The following RAPGEF4 variants were observed in gnomAD, a reference collection of about 807,000 sequenced individuals.
RAPGEF4 encodes the protein Rap guanine nucleotide exchange factor 4, also known as RAP guanine-nucleotide-exchange factor (GEF) 4.
In RAPGEF4, 66 loss-of-function variants were observed where a neutral mutation model predicts 147.9. The ratio of observed to expected loss-of-function variants is 0.45; its 90% CI spans 0.37 to 0.55. The LOEUF (loss-of-function observed/expected upper bound fraction) is 0.55, where lower values mean the gene tolerates loss of function less well. Among genes scored for constraint, RAPGEF4 ranks in the 20% least tolerant of loss-of-function variants. The pLI, the probability that RAPGEF4 is intolerant of heterozygous loss-of-function variation, is 0.00. For missense variants in RAPGEF4, 1,071 were observed against 1,257.3 expected (o/e 0.85, Z 2.24); for synonymous variants, 419 against 442.7 (o/e 0.95, Z 0.67).
At chr2:172,999,202 A>G (rs1162203657) in intron 16 of RAPGEF4, among the ~76,000 whole-genome samples, 1 of 152,238 alleles carries the variant, frequency 6.6e-6, no homozygotes, top group Non-Finnish European at 1.5e-5. Flanking sequence ...CTAGGCTAAC[A>G]TCATAATTTA....
At chr2:172,765,633 A>G (rs1472502215) in intron 1 of RAPGEF4, among the ~76,000 whole-genome samples, 1 of 152,122 alleles carries the variant, frequency 6.6e-6, no homozygotes, top group Non-Finnish European at 1.5e-5. Flanking sequence ...CTGAAGTTTT[A>G]TGTGTATGTA....
intron 4 of RAPGEF4, among the ~76,000 whole-genome samples, chr2:172,914,662 GAAAGAA>G (rs963523004): frequency 6.6e-6 from 1 of 151,698 alleles, no homozygotes; most frequent in Non-Finnish European, 1.5e-5. Flanking sequence ...GAAAGAGGGA[GAAAGAA>G]AAAGAAAAAG....
intron 16 of RAPGEF4, among the ~76,000 whole-genome samples, chr2:172,997,252 C>T (rs1479879443): frequency 1.3e-5 from 2 of 152,152 alleles, no homozygotes; most frequent in African/African-American, 4.8e-5. Context: ...GTTCACACAG[C>T]ATTCTCCCTG....
chr2:172,855,947 T>G (rs765042947), intron 4 of RAPGEF4, among the ~76,000 whole-genome samples: 7 of 152,144 alleles, frequency 4.6e-5, no homozygotes, highest in Admixed American at 6.5e-5. Context: ...TTTTGTTTTG[T>G]TTTTTATTAA....
At chr2:172,820,186 A>G (rs1688935126) in intron 4 of RAPGEF4, among the ~76,000 whole-genome samples, 1 of 152,328 alleles carries the variant, frequency 6.6e-6, no homozygotes, top group East Asian at 1.9e-4. Context: ...AGTCCACTGT[A>G]TTCAGGAAAG....
Position 173,027,140 on chromosome 2 carries a change from G to A in RAPGEF4, c.2439G>A (p.Leu813=), listed in dbSNP as rs1217953232. ...ATTTTAAAAAGACCACAGCAAACTTGGATTTGTTCCTGAGGAGATTTAATG... is the reference window on the plus strand; with the variant it reads ...ATTTTAAAAAGACCACAGCAAACTTAGATTTGTTCCTGAGGAGATTTAATG... ...RHNFKKTTAN[L]DLFLRRFNEI... is the part of the protein sequence containing the mutation. The change falls in exon 25 of 31, where the codon TTG becomes TTA. Residue 813 remains leucine (L), a synonymous_variant. Coordinates refer to ENST00000397081, the MANE Select transcript of RAPGEF4 (RefSeq NM_007023.4). 1 of 1,612,872 alleles carries A rather than the reference G, an allele frequency of 6.2e-7. No individual in the cohort carries two copies. The highest frequency in any genetic ancestry group is 1.3e-5 in the African/African-American group (1 of 74,842).
rs149597303 is a variant in RAPGEF4 at position 173,008,232 on chromosome 2, C to A, written c.1659-6232C>A. Among the ~76,000 whole-genome samples, 339 of 152,286 alleles carry A rather than the reference C, an allele frequency of 2.2e-3. 10 individuals carry two copies. In the East Asian group the frequency reaches 0.055, roughly 25 times the overall value. ...GATTGTAAGTTTCCTGAGGCCTCCC[C>A]AGCCCTGTGGAACTCTTTCCTTTAT... On this transcript the variant is annotated intron_variant, in intron 17 of 30. Transcript: ENST00000397081.
intron 26 of RAPGEF4, 87 bp downstream of exon 26, chr2:173,030,341 C>T: frequency 2.9e-6 from 3 of 1,027,210 alleles, no homozygotes; most frequent in South Asian, 1.3e-5. Flanking sequence ...AGAAATATCA[C>T]TCACACTAGT....
At chr2:173,040,113 G>A (rs1193066680) in intron 29 of RAPGEF4, among the ~76,000 whole-genome samples, 2 of 150,058 alleles carry the variant, frequency 1.3e-5, no homozygotes, top group Non-Finnish European at 3.0e-5. Flanking sequence ...GCTTGAACCT[G>A]GGAGGCAGAG....
intron 4 of RAPGEF4, among the ~76,000 whole-genome samples, chr2:172,863,333 G>A (rs552762179): frequency 6.6e-6 from 1 of 152,242 alleles, no homozygotes; most frequent in Non-Finnish European, 1.5e-5. Flanking sequence ...CAATAATATA[G>A]AGCTATTGCT....
At chr2:173,048,443 A>G (rs1186038894) in intron 29 of RAPGEF4, 157 bp from the exon 30 acceptor site, 1 of 1,422,594 alleles carries the variant, frequency 7.0e-7, no homozygotes, top group East Asian at 2.6e-5. Context: ...ATAATTAAAC[A>G]AGTTATACAT....
chr2:172,914,318 CATTTTT>C (rs1683794504), intron 4 of RAPGEF4, among the ~76,000 whole-genome samples: 1 of 110,270 alleles, frequency 9.1e-6, no homozygotes. Flanking sequence ...AGGAAATATG[CATTTTT>C]TTTTTTTTTT....
Position 173,024,501 on chromosome 2 carries a change from G to A in RAPGEF4, c.2254-2071G>A, listed in dbSNP as rs1053547357. Among the ~76,000 whole-genome samples, 5 of 140,600 alleles carry A rather than the reference G, an allele frequency of 3.6e-5. 1 individual carries two copies. The highest frequency in any genetic ancestry group is 8.1e-5 in the Non-Finnish European group (5 of 61,974). The allele number at this position is 140,600 out of a possible 152,430, so 92.2% of individuals were successfully genotyped here. On this transcript the variant is annotated intron_variant, in intron 23 of 30. Coordinates refer to ENST00000397081, the MANE Select transcript of RAPGEF4 (RefSeq NM_007023.4). The stretch of plus-strand genomic sequence containing the variant: ...CAAAGTGCTGGGATTACAGGCGTGA[G>A]CCACCGCGCCCGGCCTGCTGCAGCA...
chr2:172,836,233 A>G (rs768341251), intron 4 of RAPGEF4, among the ~76,000 whole-genome samples: 14 of 152,202 alleles, frequency 9.2e-5, no homozygotes, highest in Non-Finnish European at 1.6e-4. Context: ...TCATGTATGG[A>G]CACATATGCC....
intron 3 of RAPGEF4, among the ~76,000 whole-genome samples, chr2:172,801,702 T>G (rs1559048429): frequency 6.6e-6 from 1 of 152,154 alleles, no homozygotes; most frequent in Non-Finnish European, 1.5e-5. Flanking sequence ...TGGGGCTCAA[T>G]GCTTGCCCAT....
chr2:172,762,821 G>A (rs1315842875), intron 1 of RAPGEF4, among the ~76,000 whole-genome samples: 2 of 152,144 alleles, frequency 1.3e-5, no homozygotes. Flanking sequence ...ATACACATAG[G>A]GAAGTGGCGA....
chr2:172,933,599 C>A (rs1437590533), intron 6 of RAPGEF4, among the ~76,000 whole-genome samples: 1 of 152,078 alleles, frequency 6.6e-6, no homozygotes, highest in African/African-American at 2.4e-5. Flanking sequence ...GTAGGACATG[C>A]CCGGGGCATG....
At chr2:172,889,979 C>A in intron 4 of RAPGEF4, 1 of 294,738 alleles carries the variant, frequency 3.4e-6, no homozygotes, top group Non-Finnish European at 5.0e-6. Flanking sequence ...AAGAAAGATG[C>A]ATGCTTCAAT....
At chr2:172,740,441 C>T (rs772223359) in intron 1 of RAPGEF4, among the ~76,000 whole-genome samples, 3 of 152,106 alleles carry the variant, frequency 2.0e-5, no homozygotes, top group African/African-American at 2.4e-5. Context: ...TTTAAGTATT[C>T]GTGTTTCAGT....
Sources: gnomAD v4.1 joint callset for allele counts (sites outside exome capture counted in the v4.1 genomes callset) on GRCh38, gnomAD v4.1.1 for gene constraint, MANE v1.5 for transcripts, NCBI Gene and HGNC (gene_info 2026-07-23, HGNC 2026-07-21) for gene names.